KAZN: variants seen among roughly 807,000 people sequenced by gnomAD.
KAZN encodes kazrin, periplakin interacting protein, also known as kazrin.
Under a neutral mutation model 87.4 loss-of-function variants are expected in KAZN, and 40 were observed. That is an observed-to-expected ratio of 0.46 (90% CI 0.36 to 0.60). The LOEUF is 0.60. Among genes scored for constraint, KAZN ranks in the 20% least tolerant of loss-of-function variants. KAZN has a pLI of 0.00. For synonymous variants in KAZN, 466 were observed against 458.3 expected, an observed-to-expected ratio of 1.02 and a Z score of -0.22; for missense variants, 898 against 1,073.9, an observed-to-expected ratio of 0.84 and a Z score of 2.29.
intron 2 of KAZN, among the ~76,000 whole-genome samples, chr1:14,246,997 C>T (rs1028027294): frequency 1.3e-5 from 2 of 152,036 alleles, no homozygotes; most frequent in African/African-American, 4.8e-5. Context: ...ATAGTTTGTT[C>T]GGTACTATAT....
intron 2 of KAZN, among the ~76,000 whole-genome samples, chr1:14,282,968 C>T (rs1303051878): frequency 6.6e-6 from 1 of 152,090 alleles, no homozygotes; most frequent in African/African-American, 2.4e-5. Flanking sequence ...TTCGATCTGC[C>T]CTTGTCGAGA....
chr1:14,578,872 C>T (rs1675354833), intron 2 of KAZN, among the ~76,000 whole-genome samples: 1 of 152,106 alleles, frequency 6.6e-6, no homozygotes, highest in Non-Finnish European at 1.5e-5. Flanking sequence ...TTTACAATAA[C>T]CTTTGGAGAT....
chr1:14,892,892 G>C (rs898717026), intron 1 of KAZN, among the ~76,000 whole-genome samples: 3 of 152,168 alleles, frequency 2.0e-5, no homozygotes, highest in African/African-American at 7.2e-5. Context: ...GACAGAGGAA[G>C]GACCAGTCTC....
At chr1:14,400,877 T>C (rs1457276987) in intron 2 of KAZN, among the ~76,000 whole-genome samples, 1 of 152,236 alleles carries the variant, frequency 6.6e-6, no homozygotes, top group Non-Finnish European at 1.5e-5. Context: ...ATGACATTCC[T>C]ATCTGCCGTG....
chr1:14,765,366 G>A (rs1463002036), intron 1 of KAZN, among the ~76,000 whole-genome samples: 3 of 152,198 alleles, frequency 2.0e-5, no homozygotes, highest in Non-Finnish European at 4.4e-5. Flanking sequence ...TTGTTGTTAG[G>A]GCCATCAGCT....
At chr1:14,933,218 A>C (rs113882436) in intron 1 of KAZN, among the ~76,000 whole-genome samples, 6 of 152,114 alleles carry the variant, frequency 3.9e-5, no homozygotes, top group Non-Finnish European at 8.8e-5. Flanking sequence ...CAGCCTCCCA[A>C]GTAGCTGAGA....
chr1:14,240,318 G>A (rs1046729652), intron 2 of KAZN, among the ~76,000 whole-genome samples: 5 of 152,212 alleles, frequency 3.3e-5, no homozygotes, highest in Non-Finnish European at 5.9e-5. Flanking sequence ...CTGTGCCCAC[G>A]CGACACCTCT....
intron 1 of KAZN, among the ~76,000 whole-genome samples, chr1:13,977,364 T>G (rs1377595797): frequency 6.6e-6 from 1 of 152,254 alleles, no homozygotes; most frequent in Non-Finnish European, 1.5e-5. Flanking sequence ...ATAATTTTAC[T>G]TATTGCATAG....
At chr1:14,180,421 T>C in intron 1 of KAZN, 1 of 1,544,436 alleles carries the variant, frequency 6.5e-7, no homozygotes, top group Non-Finnish European at 8.7e-7. Context: ...TTTTCCTTCT[T>C]TTTCTTTCCA....
At chr1:14,906,177 TATAATAATAATA>T (rs869163308) in intron 1 of KAZN, among the ~76,000 whole-genome samples, 4 of 33,500 alleles carry the variant, frequency 1.2e-4, no homozygotes, top group African/African-American at 2.9e-4. Flanking sequence ...AAAAATATAT[TATAATAATAATA>T]ATAATAATAA....
chr1:14,196,102 T>A lies in KAZN; in HGVS notation c.249+15510T>A, dbSNP rs529653468. Reference sequence around the variant, plus strand: ...GAACAGCAGGTGTCAAGGCCCTGAGTCAGGAGGATGTCTCAACTTTTTGAG... The same window carrying A: ...GAACAGCAGGTGTCAAGGCCCTGAGACAGGAGGATGTCTCAACTTTTTGAG... On this transcript the variant is annotated intron_variant, in intron 2 of 16. Transcript: ENST00000636203. Among the ~76,000 whole-genome samples, 9 of 152,042 alleles carry A rather than the reference T, an allele frequency of 5.9e-5. No homozygotes were observed. The East Asian group carries it at 1.4e-3, about 23-fold the overall frequency.
At chr1:14,857,274 C>G (rs185980546) in intron 1 of KAZN, among the ~76,000 whole-genome samples, 2 of 152,178 alleles carry the variant, frequency 1.3e-5, no homozygotes, top group Non-Finnish European at 2.9e-5. Context: ...CCTGTAATCC[C>G]AGCACTTTGG....
chr1:14,451,216 C>G (rs59578243), intron 2 of KAZN, among the ~76,000 whole-genome samples: 13,240 of 152,100 alleles, frequency 0.087, 870 homozygotes, highest in East Asian at 0.18. Flanking sequence ...AATGGCCTAA[C>G]ACAGTTGCTA....
chr1:15,050,154 AGAATG>A (rs1440584217), intron 4 of KAZN, among the ~76,000 whole-genome samples: 6 of 106,686 alleles, frequency 5.6e-5, no homozygotes, highest in African/African-American at 2.1e-4. Flanking sequence ...ATAATAGAAT[AGAATG>A]GAATAGAATA....
intron 1 of KAZN, among the ~76,000 whole-genome samples, chr1:13,983,875 G>A (rs1638878945): frequency 6.6e-6 from 1 of 152,178 alleles, no homozygotes; most frequent in Admixed American, 6.5e-5. Flanking sequence ...CTAAACTGGT[G>A]TGTGGGTTGA....
At chr1:14,616,765 C>T (rs995944461) in intron 1 of KAZN, among the ~76,000 whole-genome samples, 16 of 152,202 alleles carry the variant, frequency 1.1e-4, no homozygotes, top group African/African-American at 2.2e-4. Context: ...CGAAGCTCAG[C>T]GATAGAACCA....
At chr1:14,068,122 C>T (rs1440030301) in intron 1 of KAZN, among the ~76,000 whole-genome samples, 1 of 79,940 alleles carries the variant, frequency 1.3e-5, no homozygotes, top group Non-Finnish European at 2.7e-5. Context: ...GTTGATGTTC[C>T]CCCCCCCAAC....
chr1:14,754,886 TC>T (rs1243245521), intron 1 of KAZN, among the ~76,000 whole-genome samples: 2 of 151,918 alleles, frequency 1.3e-5, no homozygotes, highest in Non-Finnish European at 2.9e-5. Flanking sequence ...CCTCTGCCTT[TC>T]CCCCACTTAC....
intron 2 of KAZN, among the ~76,000 whole-genome samples, chr1:15,005,572 G>A (rs114486582): frequency 0.02 from 2,983 of 152,172 alleles, 92 homozygotes; most frequent in African/African-American, 0.069. Flanking sequence ...GATCGCTTGA[G>A]GTCAGGGATG....
Sources: gnomAD v4.1 joint callset for allele counts (sites outside exome capture counted in the v4.1 genomes callset) on GRCh38, gnomAD v4.1.1 for gene constraint, MANE v1.5 for transcripts, NCBI Gene and HGNC (gene_info 2026-07-23, HGNC 2026-07-21) for gene names.